HYAL4: variants seen among roughly 807,000 people sequenced by gnomAD.
HYAL4 encodes the protein hyaluronidase-4.
In HYAL4, 37 loss-of-function variants were observed where a neutral mutation model predicts 35.2. That is an observed-to-expected ratio of 1.05 (90% CI 0.81 to 1.38). The LOEUF (loss-of-function observed/expected upper bound fraction) is 1.38. Ranked by LOEUF, HYAL4 falls within the 40% of genes most tolerant of loss-of-function variation. The probability of loss-of-function intolerance (pLI) is 0.00; values close to 1 mark genes in which losing one functional copy is unlikely to be tolerated. For missense variants in HYAL4, 572 were observed against 572.4 expected, an observed-to-expected ratio of 1.00 and a Z score of 0.01; for synonymous variants, 198 against 203.2, an observed-to-expected ratio of 0.97 and a Z score of 0.22.
At chr7:123,792,195 T>C in the HYAL4 span, among the ~76,000 whole-genome samples, 1 of 152,238 alleles carries the variant, frequency 6.6e-6, no homozygotes, top group African/African-American at 2.4e-5. Context: ...GAAGTCACAC[T>C]GTTACACAGG....
chr7:123,826,941 A>C (rs957052842), upstream of HYAL4, among the ~76,000 whole-genome samples: 3 of 152,114 alleles, frequency 2.0e-5, no homozygotes, highest in African/African-American at 7.2e-5. Flanking sequence ...GGAAAGAGGG[A>C]GTTGGCTTAT....
the HYAL4 span, among the ~76,000 whole-genome samples, chr7:123,805,528 C>T: frequency 2.6e-5 from 4 of 152,028 alleles, no homozygotes; most frequent in Admixed American, 1.3e-4. Context: ...AACAGTAATA[C>T]TGAAGCTAGG....
At chr7:123,801,629 A>C in the HYAL4 span, among the ~76,000 whole-genome samples, 1 of 152,208 alleles carries the variant, frequency 6.6e-6, no homozygotes, top group East Asian at 1.9e-4. Context: ...TATCTTATTT[A>C]TTTGATTTCA....
chr7:123,769,647 G>A, the HYAL4 span, among the ~76,000 whole-genome samples: 1 of 152,058 alleles, frequency 6.6e-6, no homozygotes, highest in Admixed American at 6.6e-5. Context: ...GGGGAAACAA[G>A]TCCTCCTGAA....
At chr7:123,795,826 A>G in the HYAL4 span, among the ~76,000 whole-genome samples, 2 of 152,168 alleles carry the variant, frequency 1.3e-5, no homozygotes, top group East Asian at 3.9e-4. Flanking sequence ...AAATGCTACT[A>G]GTTTAGTTAC....
rs141790363 is a variant in HYAL4, at chr7:123,875,059, G to A, written c.1044+209G>A. 5.3e-3 allele frequency among the ~76,000 whole-genome samples: 802 copies of A among 152,214 alleles called. 6 individuals carry two copies. Among genetic ancestry groups the A allele is most frequent in the African/African-American group, 0.012 (514 of 41,522 alleles). ...GACATTTGATGAATATTTATGATGCGCTAAGGTTGTGCTAAGAGATTTTTT... is the reference window on the plus strand; with the variant it reads ...GACATTTGATGAATATTTATGATGCACTAAGGTTGTGCTAAGAGATTTTTT... On this transcript the variant is annotated intron_variant, in intron 4 of 4. Transcript: ENST00000223026.
the HYAL4 span, among the ~76,000 whole-genome samples, chr7:123,800,464 C>T: frequency 1.9e-4 from 28 of 143,752 alleles, no homozygotes; most frequent in Admixed American, 7.0e-4. Flanking sequence ...CCACCGTGCC[C>T]GGCCTGAAAA....
At chr7:123,789,557 A>T in the HYAL4 span, among the ~76,000 whole-genome samples, 6 of 152,228 alleles carry the variant, frequency 3.9e-5, no homozygotes, top group Non-Finnish European at 7.3e-5. Context: ...AATGAAAGGT[A>T]TAATTATGAA....
the HYAL4 span, among the ~76,000 whole-genome samples, chr7:123,815,628 G>T: frequency 1.6e-4 from 24 of 152,198 alleles, no homozygotes; most frequent in African/African-American, 5.5e-4. Context: ...GCCTACAGAT[G>T]TGGAGATGAG....
intron 2 of HYAL4, among the ~76,000 whole-genome samples, chr7:123,861,825 C>A (rs1472256717): frequency 6.6e-6 from 1 of 152,030 alleles, no homozygotes; most frequent in Non-Finnish European, 1.5e-5. Context: ...TTGATAATAA[C>A]ATAAAATAGT....
At chr7:123,854,037 A>T (rs1372136876) in intron 2 of HYAL4, among the ~76,000 whole-genome samples, 1 of 151,926 alleles carries the variant, frequency 6.6e-6, no homozygotes, top group East Asian at 1.9e-4. Flanking sequence ...GTATTTTCTG[A>T]TGGTAGTTTG....
intron 2 of HYAL4, among the ~76,000 whole-genome samples, chr7:123,854,171 C>A (rs1806376896): frequency 6.6e-6 from 1 of 152,014 alleles, no homozygotes; most frequent in Non-Finnish European, 1.5e-5. Flanking sequence ...TTCAAAGAAC[C>A]AGCTCTTGGA....
At chr7:123,865,250 A>G (rs2116951244) in intron 2 of HYAL4, among the ~76,000 whole-genome samples, 1 of 152,296 alleles carries the variant, frequency 6.6e-6, no homozygotes, top group South Asian at 2.1e-4. Context: ...TTTTTTTGGT[A>G]CACAAATATA....
At chr7:123,837,565 G>C (rs902707368) in intron 1 of HYAL4, among the ~76,000 whole-genome samples, 3 of 151,970 alleles carry the variant, frequency 2.0e-5, no homozygotes, top group African/African-American at 7.2e-5. Flanking sequence ...TAGGGTACAT[G>C]TGCACAACGT....
the HYAL4 span, among the ~76,000 whole-genome samples, chr7:123,779,694 T>C: frequency 1.3e-5 from 2 of 149,520 alleles, no homozygotes; most frequent in Non-Finnish European, 2.9e-5. Flanking sequence ...CTAGGTAAAC[T>C]TTTTAATAGT....
At chr7:123,777,116 C>T in the HYAL4 span, among the ~76,000 whole-genome samples, 1 of 152,064 alleles carries the variant, frequency 6.6e-6, no homozygotes, top group Non-Finnish European at 1.5e-5. Context: ...ATTTTGAAGC[C>T]ATACGCCACC....
At chr7:123,864,123 A>C (rs748505732) in intron 2 of HYAL4, among the ~76,000 whole-genome samples, 8 of 152,334 alleles carry the variant, frequency 5.3e-5, no homozygotes, top group African/African-American at 1.9e-4. Flanking sequence ...TAAGAAGATT[A>C]GAACTATGAA....
intron 1 of HYAL4, among the ~76,000 whole-genome samples, chr7:123,846,758 A>T (rs532584651): frequency 6.6e-6 from 1 of 152,080 alleles, no homozygotes; most frequent in South Asian, 2.1e-4. Context: ...CTCCCCAAGG[A>T]CTCCTATGAG....
the HYAL4 span, among the ~76,000 whole-genome samples, chr7:123,797,079 T>G: frequency 6.6e-6 from 1 of 152,214 alleles, no homozygotes; most frequent in African/African-American, 2.4e-5. Context: ...GCTGTATATA[T>G]TCACATACTA....
Sources: gnomAD v4.1 joint callset for allele counts (sites outside exome capture counted in the v4.1 genomes callset) on GRCh38, gnomAD v4.1.1 for gene constraint, MANE v1.5 for transcripts, NCBI Gene and HGNC (gene_info 2026-07-23, HGNC 2026-07-21) for gene names.